DICER1: variants seen among roughly 807,000 people sequenced by gnomAD.
The protein encoded by DICER1 is endoribonuclease Dicer.
A neutral mutation model predicts 194.1 loss-of-function variants in DICER1; 43 were observed. The ratio of observed to expected loss-of-function variants is 0.22; its 90% CI spans 0.17 to 0.29. The LOEUF is 0.29. DICER1 is among the 10% of genes least tolerant of loss of function. DICER1 has a pLI of 1.00. For missense variants in DICER1, 1,608 were observed against 2,317.0 expected (o/e 0.69, Z 6.28); for synonymous variants, 832 against 820.5 (o/e 1.01, Z -0.24).
rs1412447969 is a variant in DICER1 at position 95,141,027 on chromosome 14, G to C, written c.-45-7524C>G. On this transcript the variant is annotated intron_variant, in intron 1 of 26. Transcript: ENST00000343455. ...GCAAAGTTCAAAAAAAGATTTCAAA[G>C]CTAATATAAGGAAATCAAAGTAAAT... The C allele has an allele frequency of 2.0e-5, 3 of 152,040 alleles. No homozygotes were observed. In the East Asian group the frequency reaches 5.8e-4, roughly 29 times the overall value. The allele number at this position is 152,040 out of a possible 1,614,324, so 9.4% of individuals were successfully genotyped here. A position where few individuals can be genotyped will look rare whatever the true frequency, so the allele number is the denominator to read the frequency against.
intron 1 of DICER1, among the ~76,000 whole-genome samples, chr14:95,139,927 C>A (rs986219121): frequency 3.8e-4 from 58 of 152,138 alleles, no homozygotes; most frequent in Non-Finnish European, 7.4e-5. Flanking sequence ...GAAAACAAAT[C>A]CAAGACTTAA....
rs552433938 is a variant in DICER1, at chr14:95,150,322, T to C, written c.-46+6908A>G. On this transcript the variant is annotated intron_variant, in intron 1 of 26. Transcript: ENST00000343455. ...AACATGGTGAAACCCCGTCTCCACTTAAAAAATACAAAAATTAGCTCAATA... is the reference window on the plus strand; with the variant it reads ...AACATGGTGAAACCCCGTCTCCACTCAAAAAATACAAAAATTAGCTCAATA... Among the ~76,000 whole-genome samples, 35 of 152,032 alleles carry C rather than the reference T, an allele frequency of 2.3e-4. 1 individual carries two copies. In the South Asian group the frequency reaches 4.2e-3, roughly 18 times the overall value.
At chr14:95,092,878 G>A (rs1889967801) in intron 24 of DICER1, among the ~76,000 whole-genome samples, 2 of 152,170 alleles carry the variant, frequency 1.3e-5, no homozygotes, top group South Asian at 2.1e-4. Context: ...AGCTGGTCCC[G>A]CCTTCTCGCC....
intron 1 of DICER1, among the ~76,000 whole-genome samples, chr14:95,143,370 T>C (rs1444892054): frequency 6.6e-6 from 1 of 152,166 alleles, no homozygotes; most frequent in Admixed American, 6.5e-5. Context: ...GAGGTCCCTT[T>C]CCCCTTTTCT....
chr14:95,148,206 C>T (rs1259537356), intron 1 of DICER1, among the ~76,000 whole-genome samples: 1 of 152,138 alleles, frequency 6.6e-6, no homozygotes, highest in Non-Finnish European at 1.5e-5. Context: ...CTCTGTCCTT[C>T]AGGGTTTTTA....
intron 20 of DICER1, among the ~76,000 whole-genome samples, chr14:95,104,624 A>G (rs1891244791): frequency 2.0e-5 from 3 of 152,076 alleles, no homozygotes; most frequent in Admixed American, 2.0e-4. Context: ...GGTTATTCCT[A>G]TTATATTTTA....
chr14:95,148,000 A>G (rs918571824), intron 1 of DICER1, among the ~76,000 whole-genome samples: 5 of 152,230 alleles, frequency 3.3e-5, no homozygotes, highest in African/African-American at 1.2e-4. Flanking sequence ...GCAGTTCGAG[A>G]CCGGCCTGGT....
At chr14:95,096,777 C>A in intron 22 of DICER1, 64 bp from the exon 23 acceptor site, 1 of 1,527,730 alleles carries the variant, frequency 6.5e-7, no homozygotes, top group Non-Finnish European at 8.8e-7. Flanking sequence ...GGGTTTGAAA[C>A]TCAATAAAAG....
chr14:95,109,785 C>T (rs897888794), intron 14 of DICER1, among the ~76,000 whole-genome samples: 1 of 152,168 alleles, frequency 6.6e-6, no homozygotes, highest in African/African-American at 2.4e-5. Flanking sequence ...ACAGCAGTCC[C>T]CGCTTATCTG....
chr14:95,111,496 T>C, intron 13 of DICER1, 40 bp from the exon 14 acceptor site: 1 of 1,610,032 alleles, frequency 6.2e-7, no homozygotes, highest in Non-Finnish European at 8.5e-7. Flanking sequence ...ATCCAGATTT[T>C]GCCTGATTAA....
At chr14:95,135,819 A>G (rs1443227470) in intron 1 of DICER1, among the ~76,000 whole-genome samples, 3 of 152,142 alleles carry the variant, frequency 2.0e-5, no homozygotes, top group African/African-American at 7.2e-5. Flanking sequence ...GTTGATGGAC[A>G]CTTAGATTGT....
At chr14:95,156,928 A>C (rs1035594190) in intron 1 of DICER1, among the ~76,000 whole-genome samples, 1 of 152,060 alleles carries the variant, frequency 6.6e-6, no homozygotes, top group Non-Finnish European at 1.5e-5. Flanking sequence ...GGGAGTGGAC[A>C]GGCGCCGGCA....
At chr14:95,126,789 G>GATACCTTTAACATA in intron 6 of DICER1, 41 bp from the exon 7 acceptor site, 3 of 1,058,020 alleles carry the variant, frequency 2.8e-6, no homozygotes, top group Non-Finnish European at 3.9e-6. Flanking sequence ...CTGCAGTAGT[G>GATACCTTTAACATA]AGAATGCAAT....
chr14:95,140,232 A>G (rs1366368397), intron 1 of DICER1, among the ~76,000 whole-genome samples: 3 of 152,174 alleles, frequency 2.0e-5, no homozygotes, highest in Non-Finnish European at 4.4e-5. Flanking sequence ...CATATTATGC[A>G]CTTAGAAATA....
intron 1 of DICER1, among the ~76,000 whole-genome samples, chr14:95,155,921 G>A (rs1206423795): frequency 6.6e-6 from 1 of 152,114 alleles, no homozygotes; most frequent in Non-Finnish European, 1.5e-5. Flanking sequence ...TAATACACAC[G>A]TGCCACAGGT....
chr14:95,132,473 C>A, intron 3 of DICER1, 42 bp downstream of exon 3: 1 of 1,599,678 alleles, frequency 6.3e-7, no homozygotes, highest in Non-Finnish European at 8.6e-7. Context: ...AAAATCCCAT[C>A]CAATTTCCCC....
chr14:95,119,529 G>C (rs1294346037), intron 8 of DICER1, among the ~76,000 whole-genome samples: 1 of 152,190 alleles, frequency 6.6e-6, no homozygotes, highest in African/African-American at 2.4e-5. Context: ...AGAGGATAAT[G>C]GACAGTGCAA....
chr14:95,088,187 A>G lies in DICER1; in HGVS notation c.*2311T>C. On this transcript the variant is annotated 3_prime_UTR_variant, in exon 27 of 27. Transcript: ENST00000343455. ...TAAAACATTTGAATGGTAGAAGGAA[A>G]TTTGAACCCCTGAGAATGTATGACC... is the stretch of plus-strand genomic sequence containing the variant. The G allele has an allele frequency of 4.3e-6, 1 of 232,754 alleles. No individual in the cohort carries two copies. The highest frequency in any genetic ancestry group is 8.5e-6 in the Non-Finnish European group (1 of 117,516). The allele number at this position is 232,754 out of a possible 1,614,324, so 14.4% of individuals were successfully genotyped here. A position where few individuals can be genotyped will look rare whatever the true frequency, so the allele number is the denominator to read the frequency against.
chr14:95,128,220 T>C (rs1279553637), intron 6 of DICER1, among the ~76,000 whole-genome samples: 1 of 152,240 alleles, frequency 6.6e-6, no homozygotes, highest in East Asian at 1.9e-4. Context: ...GTTCTTTTTT[T>C]CTTAACCCAA....
Sources: gnomAD v4.1 joint callset for allele counts (sites outside exome capture counted in the v4.1 genomes callset) on GRCh38, gnomAD v4.1.1 for gene constraint, MANE v1.5 for transcripts, NCBI Gene and HGNC (gene_info 2026-07-23, HGNC 2026-07-21) for gene names.